The following AUTS2 variants were observed in gnomAD, a reference collection of about 807,000 sequenced individuals.
AUTS2 encodes activator of transcription and developmental regulator AUTS2.
A neutral mutation model predicts 112.4 loss-of-function variants in AUTS2; 17 were observed. The observed-to-expected ratio is 0.15, with a 90% CI of 0.10 to 0.23. The LOEUF is 0.23. Among genes scored for constraint, AUTS2 ranks in the 10% least tolerant of loss-of-function variants. The probability of loss-of-function intolerance (pLI) is 1.00; values close to 1 mark genes in which losing one functional copy is unlikely to be tolerated. For synonymous variants in AUTS2, 751 were observed against 702.7 expected (o/e 1.07, Z -1.09); for missense variants, 1,510 against 1,701.6 (o/e 0.89, Z 1.98).
At position 69,598,662 on chromosome 7, in the gene AUTS2, G is replaced by C. The variant is rs1025888050; in HGVS notation, c.-992G>C. The C allele has an allele frequency of 8.6e-5, 14 of 163,566 alleles. No individual in the cohort carries two copies. Among genetic ancestry groups the C allele is most frequent in the Non-Finnish European group, 1.8e-4 (14 of 76,040 alleles). The allele number at this position is 163,566 out of a possible 1,614,324, so 10.1% of individuals were successfully genotyped here. On this transcript the variant is annotated 5_prime_UTR_variant, in exon 1 of 19. Coordinates refer to ENST00000342771, the MANE Select transcript of AUTS2 (RefSeq NM_015570.4). ...GCGGCGGCGGCGGCGGCACACCGGT[G>C]TCTCTCCCGCTGGAGATTTCTTTCT...
chr7:69,798,108 G>A (rs1469496452), intron 1 of AUTS2, among the ~76,000 whole-genome samples: 6 of 152,092 alleles, frequency 3.9e-5, no homozygotes, highest in African/African-American at 7.2e-5. Flanking sequence ...TTCTGTCTGC[G>A]TGACAGGCAT....
intron 5 of AUTS2, among the ~76,000 whole-genome samples, chr7:70,540,942 A>G (rs1301737231): frequency 6.6e-6 from 1 of 152,148 alleles, no homozygotes; most frequent in African/African-American, 2.4e-5. Flanking sequence ...CTTGTGCTGG[A>G]AAACAGTTCT....
At chr7:70,313,420 A>G (rs1232553694) in intron 4 of AUTS2, among the ~76,000 whole-genome samples, 1 of 152,220 alleles carries the variant, frequency 6.6e-6, no homozygotes, top group Non-Finnish European at 1.5e-5. Flanking sequence ...AAAGAAACAA[A>G]AAGATTCTCC....
intron 2 of AUTS2, among the ~76,000 whole-genome samples, chr7:70,066,179 A>C (rs528369257): frequency 6.6e-6 from 1 of 152,330 alleles, no homozygotes; most frequent in East Asian, 1.9e-4. Context: ...TATGTGCAAT[A>C]TCTTATAAAT....
chr7:70,630,126 G>A (rs964273963), intron 5 of AUTS2, among the ~76,000 whole-genome samples: 23 of 152,136 alleles, frequency 1.5e-4, no homozygotes, highest in East Asian at 1.9e-4. Context: ...TAGGGGGCTC[G>A]GAAAGGCGGC....
At chr7:69,607,910 T>G (rs930297731) in intron 1 of AUTS2, among the ~76,000 whole-genome samples, 2 of 152,174 alleles carry the variant, frequency 1.3e-5, no homozygotes. Context: ...CTTGGTTACA[T>G]GGGTGAAATC....
At chr7:70,543,594 C>A (rs950027164) in intron 5 of AUTS2, among the ~76,000 whole-genome samples, 1 of 151,930 alleles carries the variant, frequency 6.6e-6, no homozygotes, top group Non-Finnish European at 1.5e-5. Context: ...GACACACACA[C>A]CTAAGTTGTT....
intron 4 of AUTS2, among the ~76,000 whole-genome samples, chr7:70,234,429 A>G (rs1250255655): frequency 2.0e-5 from 3 of 152,068 alleles, no homozygotes; most frequent in Admixed American, 2.0e-4. Flanking sequence ...ACACTTTTTC[A>G]TTCCTCTACC....
intron 6 of AUTS2, among the ~76,000 whole-genome samples, chr7:70,760,048 T>C (rs57590943): frequency 7.3e-4 from 110 of 151,594 alleles, no homozygotes; most frequent in African/African-American, 2.2e-3. Flanking sequence ...CACTGTCGCC[T>C]AGGCTGGAGT....
At position 70,322,926 on chromosome 7, in the gene AUTS2, C is replaced by A. The variant is rs776475165; in HGVS notation, c.661-112826C>A. Among the ~76,000 whole-genome samples the A allele has an allele frequency of 1.1e-4, 17 of 152,326 alleles. No homozygotes were observed. In the South Asian group the frequency reaches 1.2e-3, roughly 11 times the overall value. On this transcript the variant is annotated intron_variant, in intron 4 of 18. Coordinates refer to ENST00000342771, the MANE Select transcript of AUTS2 (RefSeq NM_015570.4). ...GCTCTCTTCATCCTTCCACTCTCAG[C>A]ACTTTACATGTGTTGCCTTCCTCTG... is the stretch of plus-strand genomic sequence containing the variant.
intron 1 of AUTS2, among the ~76,000 whole-genome samples, chr7:69,789,185 T>G (rs1789507664): frequency 6.6e-6 from 1 of 152,140 alleles, no homozygotes; most frequent in African/African-American, 2.4e-5. Context: ...GCTAAGCTTT[T>G]TGGGTTTGCT....
intron 4 of AUTS2, among the ~76,000 whole-genome samples, chr7:70,342,209 C>T (rs530989840): frequency 3.3e-5 from 5 of 152,100 alleles, no homozygotes; most frequent in Non-Finnish European, 7.3e-5. Context: ...TTCTAGTGCC[C>T]ATCCATCACT....
At chr7:70,708,743 G>A (rs570768251) in intron 6 of AUTS2, among the ~76,000 whole-genome samples, 4 of 152,042 alleles carry the variant, frequency 2.6e-5, no homozygotes, top group Non-Finnish European at 4.4e-5. Flanking sequence ...TGTGCTCATC[G>A]TTAGACTAAA....
intron 5 of AUTS2, among the ~76,000 whole-genome samples, chr7:70,662,570 G>A (rs1373793733): frequency 1.3e-5 from 2 of 152,180 alleles, no homozygotes; most frequent in Admixed American, 6.5e-5. Context: ...CTCTGGCACC[G>A]TTGCCTACAT....
intron 1 of AUTS2, among the ~76,000 whole-genome samples, chr7:69,600,992 G>A (rs2129068914): frequency 6.6e-6 from 1 of 152,112 alleles, no homozygotes; most frequent in East Asian, 1.9e-4. Context: ...TAGGGGGAAA[G>A]GGAAAAGGGA....
chr7:70,783,310 C>G (rs10264980), intron 15 of AUTS2: 1 of 152,068 alleles, frequency 6.6e-6, no homozygotes, highest in Non-Finnish European at 1.5e-5. Context: ...AGCCAGTATG[C>G]AGGGCTGAAT....
At chr7:69,785,451 T>A (rs567742570) in intron 1 of AUTS2, among the ~76,000 whole-genome samples, 4 of 152,400 alleles carry the variant, frequency 2.6e-5, no homozygotes, top group Non-Finnish European at 4.4e-5. Flanking sequence ...GTTTTTGTTG[T>A]TCTGTTTTAA....
At chr7:70,724,443 C>CTTTTTTTTTTTTTTTTTTTTTTTT (rs71077675) in intron 6 of AUTS2, among the ~76,000 whole-genome samples, 1 of 101,386 alleles carries the variant, frequency 9.9e-6, no homozygotes, top group Non-Finnish European at 1.9e-5. Flanking sequence ...TTCATCCTGA[C>CTTTTTTTTTTTTTTTTTTTTTTTT]TTTTTTTTTT....
At chr7:70,177,658 T>G (rs1168932976) in intron 4 of AUTS2, among the ~76,000 whole-genome samples, 1 of 152,150 alleles carries the variant, frequency 6.6e-6, no homozygotes, top group Non-Finnish European at 1.5e-5. Flanking sequence ...CAACCTAAAT[T>G]CAGGTTCTGG....
Sources: allele counts gnomAD v4.1 joint callset (sites outside exome capture counted in the v4.1 genomes callset), GRCh38; gene constraint gnomAD v4.1.1; transcripts MANE v1.5; gene names NCBI Gene and HGNC (gene_info 2026-07-23, HGNC 2026-07-21).